Variants in TMEM62 observed in about 807,000 individuals in gnomAD.
The protein encoded by TMEM62 is transmembrane protein 62.
TMEM62 carries 41 observed loss-of-function variants against 70.4 expected under a neutral mutation model. The observed-to-expected ratio is 0.58, with a 90% confidence interval of 0.45 to 0.76. The LOEUF (loss-of-function observed/expected upper bound fraction) is 0.76. TMEM62 is among the 30% of genes least tolerant of loss of function. The pLI is 0.00. For missense variants in TMEM62, 688 were observed against 788.5 expected (o/e 0.87, Z 1.53); for synonymous variants, 268 against 291.0 (o/e 0.92, Z 0.80).
intron 4 of TMEM62, among the ~76,000 whole-genome samples, chr15:43,141,681 TG>T (rs1453315826): frequency 2.6e-5 from 4 of 152,224 alleles, no homozygotes; most frequent in Non-Finnish European, 5.9e-5. Context: ...ATGATTCCTC[TG>T]ATGGATGTGG....
intron 10 of TMEM62, among the ~76,000 whole-genome samples, chr15:43,163,554 G>A (rs569622734): frequency 2.0e-5 from 3 of 152,002 alleles, no homozygotes; most frequent in Admixed American, 6.5e-5. Flanking sequence ...AGGCTGAGGC[G>A]GGCGGATCAC....
At chr15:43,158,696 T>A (rs12442661) in intron 9 of TMEM62, among the ~76,000 whole-genome samples, 102 of 152,280 alleles carry the variant, frequency 6.7e-4, no homozygotes, top group Non-Finnish European at 1.0e-3. Context: ...AAGAAAAAAA[T>A]TATCTTATCT....
chr15:43,178,800 A>T, intron 12 of TMEM62, 89 bp downstream of exon 12: 1 of 684,772 alleles, frequency 1.5e-6, no homozygotes. Flanking sequence ...AGGGTATAAC[A>T]AATGGCTCAT....
At position 43,134,150 on chromosome 15, in the gene TMEM62, A is replaced by C. The variant is rs960116036; in HGVS notation, c.181-107A>C. 4.8e-6 allele frequency: 7 copies of C among 1,452,874 alleles called. No individual in the cohort carries two copies. The African/African-American group carries it at 9.8e-5, about 20-fold the overall frequency. The allele number at this position is 1,452,874 out of a possible 1,614,324, so 90.0% of individuals were successfully genotyped here. A position where few individuals can be genotyped will look rare whatever the true frequency, so the allele number is the denominator to read the frequency against. ...TCCTTACCTGGGGGGTTCGTTATGCATTGCCTCTTTGCCTTTTCCTTCTGC... is the reference window on the plus strand; with the variant it reads ...TCCTTACCTGGGGGGTTCGTTATGCCTTGCCTCTTTGCCTTTTCCTTCTGC... On this transcript the variant is annotated intron_variant, in intron 1 of 13. Coordinates refer to ENST00000260403, the MANE Select transcript of TMEM62 (RefSeq NM_024956.4).
intron 13 of TMEM62, among the ~76,000 whole-genome samples, chr15:43,183,479 C>T (rs965265686): frequency 1.3e-5 from 2 of 152,210 alleles, no homozygotes; most frequent in Non-Finnish European, 1.5e-5. Context: ...AGGCCAAGAC[C>T]TCTCCCACCT....
At chr15:43,153,788 C>T (rs970041648) in intron 8 of TMEM62, among the ~76,000 whole-genome samples, 5 of 152,122 alleles carry the variant, frequency 3.3e-5, no homozygotes, top group South Asian at 2.1e-4. Context: ...TATTGAATAA[C>T]GCTTCTATGA....
chr15:43,154,576 A>G, intron 8 of TMEM62, 96 bp from the exon 9 acceptor site: 1 of 1,075,964 alleles, frequency 9.3e-7, no homozygotes, highest in Non-Finnish European at 1.3e-6. Context: ...GGTTCTGCCT[A>G]TACGTGTATA....
At position 43,138,619 on chromosome 15, in the gene TMEM62, G is replaced by T. The variant is rs759223355; in HGVS notation, c.476G>T (p.Arg159Met). ...PSLDSIKNYY[R>M]KYSAVRRDGS... ...CTGGACAGCATCAAGAATTATTACA[G>T]GTACTGTAATAAACAGAAGACAGAC... is the stretch of plus-strand genomic sequence containing the variant. The change falls in exon 4 of 14, where the codon AGG becomes ATG. Residue 159 changes from arginine (R) to methionine (M), a missense_variant and splice_region_variant. Arg to Met is a moderately conservative substitution (Grantham distance 91, BLOSUM62 -1). Transcript: ENST00000260403. 5 of 1,598,792 alleles carry T rather than the reference G, an allele frequency of 3.1e-6. No individual in the cohort carries two copies. In the East Asian group the frequency reaches 1.1e-4, roughly 36 times the overall value.
At chr15:43,181,860 T>C (rs1001346866) in intron 13 of TMEM62, among the ~76,000 whole-genome samples, 1 of 152,258 alleles carries the variant, frequency 6.6e-6, no homozygotes, top group East Asian at 1.9e-4. Context: ...TTGTTGTTTT[T>C]GTTTCACTGT....
intron 8 of TMEM62, among the ~76,000 whole-genome samples, chr15:43,152,422 T>C (rs2037508881): frequency 1.3e-5 from 2 of 152,256 alleles, no homozygotes; most frequent in African/African-American, 4.8e-5. Flanking sequence ...TTCGACAGAG[T>C]CTTGCTTTGT....
intron 2 of TMEM62, among the ~76,000 whole-genome samples, chr15:43,135,147 T>C (rs1430111676): frequency 6.6e-6 from 1 of 152,240 alleles, no homozygotes; most frequent in Non-Finnish European, 1.5e-5. Context: ...GTTTGGAAAA[T>C]ATGGTTGCCA....
At chr15:43,160,546 C>A (rs909614010) in intron 9 of TMEM62, 135 bp from the exon 10 acceptor site, 29 of 447,936 alleles carry the variant, frequency 6.5e-5, no homozygotes, top group Admixed American at 4.3e-4. Context: ...CCTTGAAAAA[C>A]AACAACAACA....
At position 43,133,969 on chromosome 15, in the gene TMEM62, T is replaced by A; in HGVS notation, c.167T>A (p.Phe56Tyr). ...CCAGGGCCCGGAGACAGCAACATCT[T>A]CTGGGGCCTGCAGGTGACGCGGCGG... ...PAPGPGDSNI[F>Y]WGLQISDIHL... The change falls in exon 1 of 14, where the codon TTC (phenylalanine) becomes TAC (tyrosine). Residue 56 changes from phenylalanine (F) to tyrosine (Y), a missense_variant. Transcript: ENST00000260403. 2.1e-6 allele frequency: 3 copies of A among 1,453,124 alleles called. No individual in the cohort carries two copies. The highest frequency in any genetic ancestry group is 2.6e-5 in the East Asian group (1 of 39,200). 90.0% of individuals were successfully genotyped at this position (1,453,124 alleles called of 1,614,324 possible). A position where few individuals can be genotyped will look rare whatever the true frequency, so the allele number is the denominator to read the frequency against.
rs769267735 is a variant in TMEM62 at position 43,148,752 on chromosome 15, C to T, written c.619-3C>T. 1 of 1,610,794 alleles carries T rather than the reference C, an allele frequency of 6.2e-7. No individual in the cohort carries two copies. Among genetic ancestry groups the T allele is most frequent in the Non-Finnish European group, 8.5e-7 (1 of 1,179,212 alleles). On this transcript the variant is annotated splice_polypyrimidine_tract_variant and splice_region_variant and intron_variant, in intron 5 of 13. Coordinates refer to ENST00000260403, the MANE Select transcript of TMEM62 (RefSeq NM_024956.4). ...AGATCCTTCCATTTTTCTCCCATCTCAGAAAAAGATGGAGGAGCTCTTATT... is the reference window on the plus strand; with the variant it reads ...AGATCCTTCCATTTTTCTCCCATCTTAGAAAAAGATGGAGGAGCTCTTATT...
rs2036986597 is a variant in TMEM62, at chr15:43,148,756, A to C, written c.620A>C (p.Lys207Thr). 6.2e-7 allele frequency: 1 copy of C among 1,611,470 alleles called. No individual in the cohort carries two copies. The highest frequency in any genetic ancestry group is 1.7e-5 in the Admixed American group (1 of 59,174). Residue 207 changes from lysine (K) to threonine (T), a missense_variant and splice_region_variant, in exon 6 of 14, where the codon AAA becomes ACA. Lys to Thr is a moderately conservative substitution (Grantham distance 78, BLOSUM62 -1). Coordinates refer to ENST00000260403, the MANE Select transcript of TMEM62 (RefSeq NM_024956.4). ...PYNFFGILDKKKMEELLLLAK... is the reference protein window; with the variant it reads ...PYNFFGILDKTKMEELLLLAK... ...CCTTCCATTTTTCTCCCATCTCAGA[A>C]AAAGATGGAGGAGCTCTTATTACTG...
chr15:43,133,944 C>G lies in TMEM62; in HGVS notation c.142C>G (p.Pro48Ala), dbSNP rs1291839101. The change falls in exon 1 of 14, where the codon CCA becomes GCA. Residue 48 changes from proline (P) to alanine (A), a missense_variant. Physicochemically the swap from Pro to Ala is conservative, Grantham distance 27. Coordinates refer to ENST00000260403, the MANE Select transcript of TMEM62 (RefSeq NM_024956.4). ...PAPPRRPHPA[P>A]GPGDSNIFWG... ...GCCCCCCAGGAGGCCGCACCCTGCG[C>G]CAGGGCCCGGAGACAGCAACATCTT... The G allele has an allele frequency of 3.4e-6, 5 of 1,471,502 alleles. No individual in the cohort carries two copies. The highest frequency in any genetic ancestry group is 4.5e-6 in the Non-Finnish European group (5 of 1,121,110). 91.2% of individuals were successfully genotyped at this position (1,471,502 alleles called of 1,614,324 possible). A position where few individuals can be genotyped will look rare whatever the true frequency, so the allele number is the denominator to read the frequency against.
Position 43,148,927 on chromosome 15 carries a change from A to G in TMEM62, c.743+48A>G, listed in dbSNP as rs754175216. 4.4e-6 allele frequency: 7 copies of G among 1,602,292 alleles called. No homozygotes were observed. In the South Asian group the frequency reaches 7.9e-5, roughly 18 times the overall value. On this transcript the variant is annotated intron_variant, in intron 6 of 13. Transcript: ENST00000260403. The stretch of plus-strand genomic sequence containing the variant: ...GAATTAATTTGTTTTTAGTTTTTTT[A>G]TTTTGCTGTTACCTATTCTGCTTTT...
At chr15:43,159,806 C>A (rs1411555211) in intron 9 of TMEM62, among the ~76,000 whole-genome samples, 1 of 152,126 alleles carries the variant, frequency 6.6e-6, no homozygotes, top group Non-Finnish European at 1.5e-5. Flanking sequence ...TATTTTGAGA[C>A]CGCAACCTGG....
chr15:43,140,160 C>T (rs867487039), intron 4 of TMEM62, among the ~76,000 whole-genome samples: 11 of 152,084 alleles, frequency 7.2e-5, no homozygotes, highest in Admixed American at 1.3e-4. Context: ...TCACTTTTTC[C>T]GCTTGTAGAT....
Sources: allele counts gnomAD v4.1 joint callset (sites outside exome capture counted in the v4.1 genomes callset), GRCh38; gene constraint gnomAD v4.1.1; transcripts MANE v1.5; gene names NCBI Gene and HGNC (gene_info 2026-07-23, HGNC 2026-07-21).